RSPH14: variants seen among roughly 807,000 people sequenced by gnomAD.
RSPH14 encodes the protein radial spoke head 14 homolog.
RSPH14 carries 20 observed loss-of-function variants against 26.7 expected under a neutral mutation model. The observed-to-expected ratio is 0.75, with a 90% CI of 0.53 to 1.09. The LOEUF is 1.09. Among genes scored for constraint, RSPH14 ranks in the 50% least tolerant of loss-of-function variants. The pLI is 0.00. For synonymous variants in RSPH14, 177 were observed against 189.3 expected (o/e 0.93, Z 0.53); for missense variants, 449 against 457.2 (o/e 0.98, Z 0.16).
At chr22:23,129,381 C>T (rs1197330151) in intron 4 of RSPH14, among the ~76,000 whole-genome samples, 2 of 152,196 alleles carry the variant, frequency 1.3e-5, no homozygotes, top group Non-Finnish European at 2.9e-5. Flanking sequence ...CTGACCCTCA[C>T]TGAGGCTTCT....
At chr22:23,164,758 T>TCTG in the RSPH14 span, among the ~76,000 whole-genome samples, 1 of 152,226 alleles carries the variant, frequency 6.6e-6, no homozygotes, top group African/African-American at 2.4e-5. Context: ...TCTCTGTCCA[T>TCTG]CTGTGTGTCC....
chr22:23,174,545 T>C, the RSPH14 span, among the ~76,000 whole-genome samples: 5 of 152,120 alleles, frequency 3.3e-5, no homozygotes, highest in Non-Finnish European at 7.3e-5. Context: ...TAATATGGAT[T>C]GGGGATGCTG....
the RSPH14 span, among the ~76,000 whole-genome samples, chr22:23,164,679 C>T: frequency 6.6e-6 from 1 of 152,196 alleles, no homozygotes; most frequent in Non-Finnish European, 1.5e-5. Context: ...GCAATGACCA[C>T]AGTGACCGCG....
intron 4 of RSPH14, among the ~76,000 whole-genome samples, chr22:23,072,039 C>G (rs1258889774): frequency 6.6e-6 from 1 of 152,084 alleles, no homozygotes; most frequent in Non-Finnish European, 1.5e-5. Flanking sequence ...CGAAGCAGTT[C>G]CATGACCCCA....
rs2069321460 is a variant in RSPH14 at position 23,102,162 on chromosome 22, CTG to C, written c.421+31862_421+31863del. On this transcript the variant is annotated intron_variant, in intron 4 of 6. Coordinates refer to ENST00000216036, the MANE Select transcript of RSPH14 (RefSeq NM_014433.3). Reference sequence around the variant, plus strand: ...CTCATTGCCCAGGACTCAGCCTTAACTGGGGCTGCGGCCACCTCAGTGGGCCT... The same window carrying C: ...CTCATTGCCCAGGACTCAGCCTTAACGGGCTGCGGCCACCTCAGTGGGCCT... Among the ~76,000 whole-genome samples, 4 of 152,356 alleles carry C rather than the reference CTG, an allele frequency of 2.6e-5. No individual in the cohort carries two copies. In the South Asian group the frequency reaches 8.3e-4, roughly 32 times the overall value.
intron 4 of RSPH14, among the ~76,000 whole-genome samples, chr22:23,083,592 G>T (rs915379935): frequency 1.3e-5 from 2 of 152,160 alleles, no homozygotes; most frequent in Non-Finnish European, 2.9e-5. Flanking sequence ...TAGAGCAGGA[G>T]CCCAGACCAA....
chr22:23,086,509 C>T lies in RSPH14; in HGVS notation c.422-22376G>A, dbSNP rs145700129. On this transcript the variant is annotated intron_variant, in intron 4 of 6. Coordinates refer to ENST00000216036, the MANE Select transcript of RSPH14 (RefSeq NM_014433.3). ...GGTTCCCTGGGCACCTTCCTCTCCT[C>T]CCAGTGGCCTCAGCCACCCGAGCAG... 4.3e-3 allele frequency among the ~76,000 whole-genome samples: 659 copies of T among 152,338 alleles called. 5 individuals are homozygous for T. Among genetic ancestry groups the T allele is most frequent in the African/African-American group, 0.015 (629 of 41,568 alleles).
At chr22:23,095,753 G>A (rs995461477) in intron 4 of RSPH14, 2 of 1,612,724 alleles carry the variant, frequency 1.2e-6, no homozygotes, top group Non-Finnish European at 1.7e-6. Flanking sequence ...CCGGAGAATT[G>A]ACCGCCACCT....
At chr22:23,180,465 T>C in the RSPH14 span, 4 of 168,162 alleles carry the variant, frequency 2.4e-5, no homozygotes, top group Non-Finnish European at 5.2e-5. Context: ...GGCTCCGTCA[T>C]CCGCGCCGCG....
chr22:23,096,076 C>T, intron 4 of RSPH14: 1 of 1,608,676 alleles, frequency 6.2e-7, no homozygotes. Context: ...TGCTGGGTGT[C>T]ATGCGACGGC....
chr22:23,102,923 C>T (rs748815317), intron 4 of RSPH14, among the ~76,000 whole-genome samples: 27 of 152,370 alleles, frequency 1.8e-4, no homozygotes, highest in Non-Finnish European at 3.5e-4. Flanking sequence ...GGTCAGCCAG[C>T]GTGGGCTCTG....
intron 4 of RSPH14, among the ~76,000 whole-genome samples, chr22:23,077,643 C>A (rs2068543327): frequency 6.6e-6 from 1 of 152,134 alleles, no homozygotes; most frequent in Non-Finnish European, 1.5e-5. Flanking sequence ...AGGGCTGAGG[C>A]ATGTAAAGTA....
the RSPH14 span, among the ~76,000 whole-genome samples, chr22:23,169,821 G>T: frequency 1.3e-5 from 2 of 152,152 alleles, no homozygotes; most frequent in Non-Finnish European, 2.9e-5. Context: ...AAGGTACCTT[G>T]GCTGGGTGCG....
At position 23,123,639 on chromosome 22, in the gene RSPH14, A is replaced by ACACACACATGCT; in HGVS notation, c.421+10386_421+10387insAGCATGTGTGTG. 4 of 571,822 alleles carry ACACACACATGCT rather than the reference A, an allele frequency of 7.0e-6. 1 individual carries two copies. In the South Asian group the frequency reaches 8.7e-5, roughly 12 times the overall value. The allele number at this position is 571,822 out of a possible 1,614,324, so 35.4% of individuals were successfully genotyped here. A position where few individuals can be genotyped will look rare whatever the true frequency, so the allele number is the denominator to read the frequency against. On this transcript the variant is annotated intron_variant, in intron 4 of 6. Coordinates refer to ENST00000216036, the MANE Select transcript of RSPH14 (RefSeq NM_014433.3). ...TAGGTAGATAGACACACACACATGC[A>ACACACACATGCT]CACACACACATCTGGAGATGGCAAA...
chr22:23,082,508 C>T (rs780630573), intron 4 of RSPH14, among the ~76,000 whole-genome samples: 3 of 151,858 alleles, frequency 2.0e-5, no homozygotes, highest in South Asian at 4.1e-4. Flanking sequence ...CATGAGCCAC[C>T]GCGCCCGGCC....
At chr22:23,103,030 C>A (rs998011702) in intron 4 of RSPH14, among the ~76,000 whole-genome samples, 1 of 152,162 alleles carries the variant, frequency 6.6e-6, no homozygotes, top group Non-Finnish European at 1.5e-5. Context: ...GAGTTCTCTT[C>A]GGCACCATGC....
At chr22:23,103,634 C>T (rs2069370753) in intron 4 of RSPH14, among the ~76,000 whole-genome samples, 1 of 151,592 alleles carries the variant, frequency 6.6e-6, no homozygotes, top group African/African-American at 2.5e-5. Context: ...AGAGAGCAAC[C>T]TTGCATTGGC....
intron 4 of RSPH14, among the ~76,000 whole-genome samples, chr22:23,065,932 C>G (rs1481462537): frequency 6.6e-6 from 1 of 152,150 alleles, no homozygotes; most frequent in East Asian, 1.9e-4. Flanking sequence ...GCCTGATCCT[C>G]TCTCTCTCGC....
Position 23,134,039 on chromosome 22 carries a change from G to A in RSPH14, c.408C>T (p.Val136=). ...GNLYKAYMQL[V]QVPRGAQEII... ...ACGCAAGCCTACCTCTAGGCACCTG[G>A]ACCAGCTGCATGTATGCCTTGTACA... Residue 136 remains valine, a synonymous_variant, in exon 4 of 7, where the codon GTC becomes GTT. Transcript: ENST00000216036. 4 of 1,613,540 alleles carry A rather than the reference G, an allele frequency of 2.5e-6. No homozygotes were observed. Among genetic ancestry groups the A allele is most frequent in the Non-Finnish European group, 3.4e-6 (4 of 1,179,606 alleles).
Sources: allele counts gnomAD v4.1 joint callset (sites outside exome capture counted in the v4.1 genomes callset), GRCh38; gene constraint gnomAD v4.1.1; transcripts MANE v1.5; gene names NCBI Gene and HGNC (gene_info 2026-07-23, HGNC 2026-07-21).